The following DYNC2H1 variants were observed in gnomAD, a reference collection of about 807,000 sequenced individuals.
The protein encoded by DYNC2H1 is cytoplasmic dynein 2 heavy chain 1.
In DYNC2H1, 410 loss-of-function variants were observed where a neutral mutation model predicts 570.0. The observed-to-expected ratio is 0.72, with a 90% CI of 0.66 to 0.78. DYNC2H1 has a LOEUF of 0.78. Among genes scored for constraint, DYNC2H1 ranks in the 30% least tolerant of loss-of-function variants. The pLI, the probability that DYNC2H1 is intolerant of heterozygous loss-of-function variation, is 0.00. For synonymous variants in DYNC2H1, 1,688 were observed against 1,677.6 expected (o/e 1.01, Z -0.15); for missense variants, 4,865 against 5,046.4 (o/e 0.96, Z 1.09).
rs79378227 is a variant in DYNC2H1 at position 103,239,752 on chromosome 11, A to G, written c.9819+3213A>G. On this transcript the variant is annotated intron_variant, in intron 63 of 88. Coordinates refer to ENST00000375735, the MANE Select transcript of DYNC2H1 (RefSeq NM_001377.3). This position sits in a 1 kb window ranked among gnomAD's most constrained non-coding sequence, Gnocchi z 4.3. The stretch of plus-strand genomic sequence containing the variant: ...CAAGAGTTAGGCTTTAGTTTTATTT[A>G]TAAAATGTTTTTGCATTTGTCCCAT... 3.3e-4 allele frequency among the ~76,000 whole-genome samples: 50 copies of G among 152,178 alleles called. 1 individual carries two copies. The East Asian group carries it at 9.6e-3, about 29-fold the overall frequency.
intron 5 of DYNC2H1, 40 bp downstream of exon 5, chr11:103,116,754 T>G: frequency 6.5e-7 from 1 of 1,538,964 alleles, no homozygotes; most frequent in South Asian, 1.3e-5. Flanking sequence ...TTTGAAAACC[T>G]GTCTTATTTT....
chr11:103,207,445 C>T (rs1720747914), intron 52 of DYNC2H1, among the ~76,000 whole-genome samples: 1 of 151,802 alleles, frequency 6.6e-6, no homozygotes, highest in South Asian at 2.1e-4. Context: ...TTTGTGATAA[C>T]AGGAAAGAAA....
intron 88 of DYNC2H1, among the ~76,000 whole-genome samples, chr11:103,471,792 C>G (rs1328703940): frequency 6.6e-6 from 1 of 152,072 alleles, no homozygotes; most frequent in East Asian, 1.9e-4. Flanking sequence ...ACTGGGGAAG[C>G]AAATAAGCAA....
chr11:103,239,864 CT>C lies in DYNC2H1; in HGVS notation c.9819+3332del, dbSNP rs1169037872. On this transcript the variant is annotated intron_variant, in intron 63 of 88. Coordinates refer to ENST00000375735, the MANE Select transcript of DYNC2H1 (RefSeq NM_001377.3). The surrounding 1 kb of genome is among the most constrained non-coding windows in gnomAD (Gnocchi z 4.3). ...CTTTCAAAAATATCCTTTGACCAAT[CT>C]TTTTTTCCCCCAAGGAGAGAAGAAT... is the stretch of plus-strand genomic sequence containing the variant. 2.6e-5 allele frequency among the ~76,000 whole-genome samples: 4 copies of C among 151,976 alleles called. No homozygotes were observed. Among genetic ancestry groups the C allele is most frequent in the Admixed American group, 2.0e-4 (3 of 15,230 alleles).
intron 63 of DYNC2H1, among the ~76,000 whole-genome samples, chr11:103,240,845 A>T (rs1015547879): frequency 6.6e-6 from 1 of 152,124 alleles, no homozygotes; most frequent in Non-Finnish European, 1.5e-5. Flanking sequence ...TAAAAATTTC[A>T]TTATCCTTAG....
intron 82 of DYNC2H1, among the ~76,000 whole-genome samples, chr11:103,345,370 A>G (rs1345123239): frequency 2.6e-5 from 4 of 152,106 alleles, no homozygotes; most frequent in African/African-American, 9.7e-5. Context: ...TCTCTAGAGT[A>G]TATGCTTAGG....
chr11:103,218,124 T>C (rs982397798), intron 55 of DYNC2H1, among the ~76,000 whole-genome samples: 4 of 152,260 alleles, frequency 2.6e-5, no homozygotes. Context: ...CTGGAGGAAA[T>C]GAATAATGCT....
intron 34 of DYNC2H1, among the ~76,000 whole-genome samples, chr11:103,172,875 T>A (rs1345278902): frequency 6.6e-6 from 1 of 151,690 alleles, no homozygotes; most frequent in South Asian, 2.1e-4. Context: ...CTTAAGGAAT[T>A]TATCATATAT....
chr11:103,163,169 A>G lies in DYNC2H1; in HGVS notation c.4611+22A>G. ...ACAGGTAAGGGGGCTTACGTGTAGA[A>G]GCTACATAGGCATGGAACGTGGAAA... On this transcript the variant is annotated intron_variant, in intron 30 of 88. Transcript: ENST00000375735. The surrounding 1 kb of genome is among the most constrained non-coding windows in gnomAD (Gnocchi z 4.6). 1 of 1,603,622 alleles carries G rather than the reference A, an allele frequency of 6.2e-7. No individual in the cohort carries two copies. Among genetic ancestry groups the G allele is most frequent in the Non-Finnish European group, 8.5e-7 (1 of 1,174,396 alleles).
chr11:103,113,827 C>A, intron 2 of DYNC2H1, 120 bp downstream of exon 2: 2 of 889,290 alleles, frequency 2.2e-6, no homozygotes, highest in Non-Finnish European at 3.1e-6. Flanking sequence ...ATTAAAATAT[C>A]TTTTCTTAAC....
chr11:103,300,246 A>G (rs1167903428), intron 75 of DYNC2H1, among the ~76,000 whole-genome samples: 1 of 152,058 alleles, frequency 6.6e-6, no homozygotes, highest in Non-Finnish European at 1.5e-5. Context: ...GCATAAAATA[A>G]AAAACAATAA....
Position 103,199,157 on chromosome 11 carries a change from T to G in DYNC2H1, c.7840-71T>G. On this transcript the variant is annotated intron_variant, in intron 48 of 88. Coordinates refer to ENST00000375735, the MANE Select transcript of DYNC2H1 (RefSeq NM_001377.3). The surrounding 1 kb of genome is among the most constrained non-coding windows in gnomAD (Gnocchi z 4.6). ...GTATCAAAAATATAATATTTTAACC[T>G]AGGTAAGTAACATTTTTATTATGTA... is the stretch of plus-strand genomic sequence containing the variant. The G allele has an allele frequency of 9.2e-7, 1 of 1,085,758 alleles. No individual in the cohort carries two copies. The highest frequency in any genetic ancestry group is 2.7e-5 in the East Asian group (1 of 37,074). 67.3% of individuals were successfully genotyped at this position (1,085,758 alleles called of 1,614,324 possible).
intron 59 of DYNC2H1, among the ~76,000 whole-genome samples, chr11:103,223,578 A>G (rs61896687): frequency 0.81 from 114,720 of 142,136 alleles, 44,044 homozygotes; most frequent in Admixed American, 0.86. Context: ...AGTAGAGACT[A>G]AAATAACATG....
intron 24 of DYNC2H1, 53 bp from the exon 25 acceptor site, chr11:103,155,278 A>G: frequency 6.8e-7 from 1 of 1,473,994 alleles, no homozygotes; most frequent in Non-Finnish European, 9.0e-7. Flanking sequence ...GCATTTTGCT[A>G]ATATATGTAT....
chr11:103,207,822 T>G (rs1261190321), intron 52 of DYNC2H1, among the ~76,000 whole-genome samples: 1 of 152,130 alleles, frequency 6.6e-6, no homozygotes. Flanking sequence ...GAATTGGGAC[T>G]TTGGTGCTTG....
chr11:103,337,890 C>T (rs1474721296), intron 82 of DYNC2H1, among the ~76,000 whole-genome samples: 3 of 151,978 alleles, frequency 2.0e-5, no homozygotes, highest in Non-Finnish European at 4.4e-5. Context: ...TGACATGATC[C>T]CATTTGTCCA....
Position 103,135,959 on chromosome 11 carries a change from T to G in DYNC2H1, c.2574+11T>G, listed in dbSNP as rs1199478527. ...TTACACCAACATAAGGTATAGAACA[T>G]GTAATGTTCCATCCTTCCATCATAA... On this transcript the variant is annotated intron_variant, in intron 17 of 88. Transcript: ENST00000375735. 4 of 1,541,666 alleles carry G rather than the reference T, an allele frequency of 2.6e-6. No individual in the cohort carries two copies. The highest frequency in any genetic ancestry group is 3.5e-6 in the Non-Finnish European group (4 of 1,141,434).
intron 83 of DYNC2H1, among the ~76,000 whole-genome samples, chr11:103,393,179 C>T (rs893366482): frequency 2.0e-5 from 3 of 152,210 alleles, no homozygotes; most frequent in African/African-American, 7.2e-5. Context: ...CCATGGCACC[C>T]AGCCAGAACT....
chr11:103,120,491 A>G lies in DYNC2H1; in HGVS notation c.1044A>G (p.Leu348=). ...RTIHEKFLYF[L]PASEEKIICL... ...TTCATGAGAAGTTTCTCTATTTTCT[A>G]CCTGCCAGTGAAGAGAAAATCATAT... is the stretch of plus-strand genomic sequence containing the variant. The change falls in exon 7 of 89, where the codon CTA becomes CTG. Residue 348 remains leucine (L), a synonymous_variant. Coordinates refer to ENST00000375735, the MANE Select transcript of DYNC2H1 (RefSeq NM_001377.3). The G allele has an allele frequency of 6.2e-7, 1 of 1,612,796 alleles. No homozygotes were observed. The highest frequency in any genetic ancestry group is 8.5e-7 in the Non-Finnish European group (1 of 1,179,230).
Sources: gnomAD v4.1 joint callset for allele counts (sites outside exome capture counted in the v4.1 genomes callset) on GRCh38, gnomAD v4.1.1 for gene constraint, Gnocchi (gnomAD v3.1) non-coding constraint, MANE v1.5 for transcripts, NCBI Gene and HGNC (gene_info 2026-07-23, HGNC 2026-07-21) for gene names.